TRAF3IP1: variants seen among roughly 807,000 people sequenced by gnomAD.
TRAF3IP1 encodes intraflagellar transport 54.
In TRAF3IP1, 53 loss-of-function variants were observed where a neutral mutation model predicts 89.9. The observed-to-expected ratio is 0.59, with a 90% confidence interval of 0.47 to 0.74. The LOEUF (loss-of-function observed/expected upper bound fraction) is 0.74. Among genes scored for constraint, TRAF3IP1 ranks in the 30% least tolerant of loss-of-function variants. The probability of loss-of-function intolerance (pLI) is 0.00; values close to 1 mark genes in which losing one functional copy is unlikely to be tolerated. For synonymous variants in TRAF3IP1, 311 were observed against 322.1 expected (o/e 0.97, Z 0.37); for missense variants, 806 against 866.1 (o/e 0.93, Z 0.87).
chr2:238,356,837 G>A (rs1199978569), intron 15 of TRAF3IP1, among the ~76,000 whole-genome samples: 54 of 150,896 alleles, frequency 3.6e-4, no homozygotes, highest in African/African-American at 1.2e-3. Context: ...GGAGAGCAGT[G>A]GCATGATCTC....
chr2:238,335,353 G>A (rs919493375), intron 7 of TRAF3IP1, among the ~76,000 whole-genome samples: 2 of 152,114 alleles, frequency 1.3e-5, no homozygotes, highest in African/African-American at 2.4e-5. Flanking sequence ...TAATCCATCC[G>A]TGGTTCCAGG....
chr2:238,395,728 A>G (rs1701183113), intron 15 of TRAF3IP1, among the ~76,000 whole-genome samples: 1 of 152,224 alleles, frequency 6.6e-6, no homozygotes, highest in Non-Finnish European at 1.5e-5. Flanking sequence ...GGATATGAAC[A>G]CACACTTCTC....
At chr2:238,362,274 T>C (rs1289702705) in intron 15 of TRAF3IP1, among the ~76,000 whole-genome samples, 1 of 152,230 alleles carries the variant, frequency 6.6e-6, no homozygotes, top group African/African-American at 2.4e-5. Flanking sequence ...CTAAGTCAGC[T>C]TCCTTAGTGG....
chr2:238,328,587 T>C, intron 3 of TRAF3IP1, 99 bp from the exon 4 acceptor site: 1 of 1,374,680 alleles, frequency 7.3e-7, no homozygotes, highest in Admixed American at 2.3e-5. Context: ...AGACAGAGAA[T>C]CTGTCTCATG....
chr2:238,336,921 C>A (rs1698414714), intron 7 of TRAF3IP1, among the ~76,000 whole-genome samples: 1 of 151,850 alleles, frequency 6.6e-6, no homozygotes, highest in South Asian at 2.1e-4. Flanking sequence ...ACTGCCTGGT[C>A]CTGTGCTTCT....
chr2:238,372,847 C>T (rs1700165159), intron 15 of TRAF3IP1, among the ~76,000 whole-genome samples: 1 of 152,214 alleles, frequency 6.6e-6, no homozygotes. Flanking sequence ...GATGGTATCT[C>T]ATGGTGGTTT....
In TRAF3IP1 at chr2:238,338,413, GAATA is replaced by G; in HGVS notation, c.1121_1124del (p.Asn374MetfsTer12). On this transcript the variant is annotated frameshift_variant, in exon 8 of 17. Coordinates refer to ENST00000373327, the MANE Select transcript of TRAF3IP1 (RefSeq NM_015650.4). LOFTEE classifies it high-confidence loss of function. Reference sequence around the variant, plus strand: ...AAAAGTTTAGACTCCATAGTGTCTGGAATAAATAATGAGCCAAATCAGGAAACGA... The same window carrying G: ...AAAAGTTTAGACTCCATAGTGTCTGGAATAATGAGCCAAATCAGGAAACGA... The G allele has an allele frequency of 6.2e-7, 1 of 1,600,112 alleles. No individual in the cohort carries two copies. Among genetic ancestry groups the G allele is most frequent in the Non-Finnish European group, 8.5e-7 (1 of 1,174,624 alleles).
chr2:238,321,538 T>G (rs1697546738), intron 1 of TRAF3IP1, among the ~76,000 whole-genome samples: 1 of 152,166 alleles, frequency 6.6e-6, no homozygotes, highest in South Asian at 2.1e-4. Context: ...TGTAGCTTTT[T>G]CCACTTGCGG....
At chr2:238,332,170 G>A (rs1035186869) in intron 5 of TRAF3IP1, among the ~76,000 whole-genome samples, 1 of 152,162 alleles carries the variant, frequency 6.6e-6, no homozygotes, top group Non-Finnish European at 1.5e-5. Flanking sequence ...ACATTGAATT[G>A]TTGAAATATC....
intron 1 of TRAF3IP1, among the ~76,000 whole-genome samples, chr2:238,323,416 A>G (rs973376064): frequency 6.6e-6 from 1 of 152,150 alleles, no homozygotes; most frequent in African/African-American, 2.4e-5. Context: ...TCCTGGGAAA[A>G]CCTCAACAGG....
intron 15 of TRAF3IP1, among the ~76,000 whole-genome samples, chr2:238,367,637 C>T (rs74409360): frequency 0.054 from 8,256 of 152,062 alleles, 338 homozygotes; most frequent in Non-Finnish European, 0.078. Context: ...GCGGTGGGAC[C>T]GAGAGCCTGC....
chr2:238,325,092 G>A (rs975918665), intron 1 of TRAF3IP1, among the ~76,000 whole-genome samples: 2 of 152,150 alleles, frequency 1.3e-5, no homozygotes, highest in African/African-American at 4.8e-5. Flanking sequence ...ATCTTTACCT[G>A]TCTGTCCACA....
chr2:238,333,592 T>C (rs1698233349), intron 6 of TRAF3IP1, among the ~76,000 whole-genome samples: 1 of 152,210 alleles, frequency 6.6e-6, no homozygotes, highest in Admixed American at 6.5e-5. Context: ...TAAATATATG[T>C]AAATTTTTAC....
At chr2:238,389,604 C>T (rs1700912578) in intron 15 of TRAF3IP1, among the ~76,000 whole-genome samples, 1 of 151,644 alleles carries the variant, frequency 6.6e-6, no homozygotes, top group Non-Finnish European at 1.5e-5. Context: ...AGAAATTAGC[C>T]AGATGTGGTA....
chr2:238,382,937 A>G (rs1288203912), intron 15 of TRAF3IP1, among the ~76,000 whole-genome samples: 1 of 152,062 alleles, frequency 6.6e-6, no homozygotes, highest in African/African-American at 2.4e-5. Context: ...TGATCTCATT[A>G]GGTTTCTGTG....
rs1245560061 is a variant in TRAF3IP1, at chr2:238,345,106, C to T, written c.1261+508C>T. Among the ~76,000 whole-genome samples, 1 of 152,230 alleles carries T rather than the reference C, an allele frequency of 6.6e-6. No homozygotes were observed. The highest frequency in any genetic ancestry group is 1.9e-4 in the East Asian group (1 of 5,202). ...TGTTTTGAGGCCTTGGAGCTCCTAA[C>T]AGGCCTGCAAGGGTACCAGTGCCCA... is the stretch of plus-strand genomic sequence containing the variant. On this transcript the variant is annotated intron_variant, in intron 9 of 16. Transcript: ENST00000373327. The surrounding 1 kb of genome is among the most constrained non-coding windows in gnomAD (Gnocchi z 4.7).
At chr2:238,326,750 A>G (rs1409253000) in intron 3 of TRAF3IP1, among the ~76,000 whole-genome samples, 1 of 152,064 alleles carries the variant, frequency 6.6e-6, no homozygotes, top group African/African-American at 2.4e-5. Flanking sequence ...GGCTAACCTT[A>G]AATGTGACCC....
At position 238,351,834 on chromosome 2, in the gene TRAF3IP1, GGTGTGTGTGTGTGT is replaced by G. The variant is rs10527993; in HGVS notation, c.1452-973_1452-960del. ...TGGCACTGAAGCAAGGGAGGATTTT[GGTGTGTGTGTGTGT>G]GTGTGTGTGTGTGTGTGTGCGCGCG... On this transcript the variant is annotated intron_variant, in intron 12 of 16. Coordinates refer to ENST00000373327, the MANE Select transcript of TRAF3IP1 (RefSeq NM_015650.4). The surrounding 1 kb of genome is among the most constrained non-coding windows in gnomAD (Gnocchi z 5.2). Among the ~76,000 whole-genome samples, 1,038 of 140,966 alleles carry G rather than the reference GGTGTGTGTGTGTGT, an allele frequency of 7.4e-3. 11 individuals are homozygous for G. The highest frequency in any genetic ancestry group is 0.025 in the African/African-American group (951 of 38,024). 92.5% of individuals were successfully genotyped at this position (140,966 alleles called of 152,430 possible). A position where few individuals can be genotyped will look rare whatever the true frequency, so the allele number is the denominator to read the frequency against.
intron 15 of TRAF3IP1, 76 bp from the exon 16 acceptor site, chr2:238,397,383 G>A (rs1701274018): frequency 7.5e-7 from 1 of 1,333,522 alleles, no homozygotes; most frequent in Admixed American, 1.7e-5. Flanking sequence ...CCATGGCCGT[G>A]TGCTGAGTGC....
Sources: allele counts gnomAD v4.1 joint callset (sites outside exome capture counted in the v4.1 genomes callset), GRCh38; gene constraint gnomAD v4.1.1; non-coding constraint Gnocchi (gnomAD v3.1); transcripts MANE v1.5; gene names NCBI Gene and HGNC (gene_info 2026-07-23, HGNC 2026-07-21).